The following USP47 variants were observed in gnomAD, a reference collection of about 807,000 sequenced individuals.
USP47 encodes the protein ubiquitin specific peptidase 47, also known as ubiquitin carboxyl-terminal hydrolase 47.
USP47 carries 35 observed loss-of-function variants against 165.1 expected under a neutral mutation model. The observed-to-expected ratio is 0.21, with a 90% CI of 0.16 to 0.28. The LOEUF is 0.28. Among genes scored for constraint, USP47 ranks in the 10% least tolerant of loss-of-function variants. USP47 has a pLI of 1.00. For synonymous variants in USP47, 531 were observed against 544.5 expected, an observed-to-expected ratio of 0.98 and a Z score of 0.35; for missense variants, 1,277 against 1,607.4, an observed-to-expected ratio of 0.79 and a Z score of 3.52.
intron 8 of USP47, among the ~76,000 whole-genome samples, chr11:11,914,839 A>G (rs1853290072): frequency 6.6e-6 from 1 of 152,204 alleles, no homozygotes. Context: ...GGCTACAAAT[A>G]ATGACAGCAT....
At chr11:11,888,671 A>G (rs1301812039) in intron 3 of USP47, among the ~76,000 whole-genome samples, 1 of 152,224 alleles carries the variant, frequency 6.6e-6, no homozygotes, top group Non-Finnish European at 1.5e-5. Context: ...CAAAAAATTG[A>G]AAAGGAAGAA....
intron 1 of USP47, 64 bp from the exon 2 acceptor site, chr11:11,880,113 C>A: frequency 2.7e-6 from 3 of 1,104,444 alleles, no homozygotes; most frequent in Non-Finnish European, 3.7e-6. Flanking sequence ...AATTTTATAG[C>A]TAATTATACT....
intron 8 of USP47, among the ~76,000 whole-genome samples, chr11:11,918,344 A>C (rs1423642270): frequency 6.6e-6 from 1 of 152,160 alleles, no homozygotes; most frequent in Non-Finnish European, 1.5e-5. Context: ...CAAGAGACCA[A>C]ACAAAATCTG....
chr11:11,865,685 A>G (rs76029835), intron 1 of USP47, among the ~76,000 whole-genome samples: 1 of 151,108 alleles, frequency 6.6e-6, no homozygotes, highest in Non-Finnish European at 1.5e-5. Flanking sequence ...TATTTTCCTT[A>G]TCTCTCTCTC....
At chr11:11,955,745 A>G (rs943960745) in intron 27 of USP47, among the ~76,000 whole-genome samples, 1 of 152,256 alleles carries the variant, frequency 6.6e-6, no homozygotes, top group Non-Finnish European at 1.5e-5. Flanking sequence ...CACAGTGCCT[A>G]TTATAGATGT....
intron 1 of USP47, among the ~76,000 whole-genome samples, chr11:11,843,571 G>A (rs544009936): frequency 8.5e-5 from 13 of 152,310 alleles, no homozygotes; most frequent in African/African-American, 2.9e-4. Context: ...GATAGGTGCT[G>A]TAAGAAAGGT....
chr11:11,947,116 C>T (rs1353699633), intron 20 of USP47, among the ~76,000 whole-genome samples: 3 of 152,186 alleles, frequency 2.0e-5, no homozygotes, highest in African/African-American at 7.2e-5. Context: ...AGTCTGGTTT[C>T]TGCTTTCTTC....
Position 11,957,296 on chromosome 11 carries a change from A to G in USP47, c.*1121A>G, listed in dbSNP as rs1419358613. The G allele has an allele frequency of 6.6e-6, 1 of 152,494 alleles. No individual in the cohort carries two copies. Among genetic ancestry groups the G allele is most frequent in the Non-Finnish European group, 1.5e-5 (1 of 68,034 alleles). The allele number at this position is 152,494 out of a possible 1,614,324, so 9.4% of individuals were successfully genotyped here. A position where few individuals can be genotyped will look rare whatever the true frequency, so the allele number is the denominator to read the frequency against. ...ATAAACTTGCTAATGAGGTCAGGTC[A>G]TGGTACAGACTGATGCAGTCAACAT... On this transcript the variant is annotated 3_prime_UTR_variant, in exon 28 of 28. Transcript: ENST00000527733.
intron 11 of USP47, among the ~76,000 whole-genome samples, chr11:11,928,064 G>A (rs971317524): frequency 2.0e-5 from 3 of 151,852 alleles, no homozygotes; most frequent in African/African-American, 7.3e-5. Flanking sequence ...TAATTATGTT[G>A]GCTTTGATCA....
Position 11,933,830 on chromosome 11 carries a change from G to A in USP47, c.1765-1G>A, listed in dbSNP as rs1854857008. On this transcript the variant is annotated splice_acceptor_variant, in intron 15 of 27. Transcript: ENST00000527733. LOFTEE classifies it high-confidence loss of function. ...TGATGATGATATTTTACATTTTCTA[G>A]ATAAAATTATTCTGTTTGCATCCTA... The A allele has an allele frequency of 6.3e-7, 1 of 1,588,176 alleles. No individual in the cohort carries two copies. The highest frequency in any genetic ancestry group is 1.3e-5 in the African/African-American group (1 of 74,152).
chr11:11,873,747 C>T, intron 1 of USP47: 1 of 1,098,422 alleles, frequency 9.1e-7, no homozygotes, highest in Non-Finnish European at 1.2e-6. Context: ...ACTGTCTTTT[C>T]CCTTTATTTT....
chr11:11,957,891 T>G lies in USP47; in HGVS notation c.*1716T>G, dbSNP rs139006279. 2.0e-5 allele frequency: 3 copies of G among 152,300 alleles called. No individual in the cohort carries two copies. In the East Asian group the frequency reaches 5.8e-4, roughly 29 times the overall value. 9.4% of individuals were successfully genotyped at this position (152,300 alleles called of 1,614,324 possible). On this transcript the variant is annotated 3_prime_UTR_variant, in exon 28 of 28. Transcript: ENST00000527733. ...AAGGTATTTTTCTGGCTAATTTTTATTTGAAGAAAGCTATAGCATTTAGCG... is the reference window on the plus strand; with the variant it reads ...AAGGTATTTTTCTGGCTAATTTTTAGTTGAAGAAAGCTATAGCATTTAGCG...
At chr11:11,912,052 T>C (rs1853034467) in intron 8 of USP47, among the ~76,000 whole-genome samples, 1 of 151,872 alleles carries the variant, frequency 6.6e-6, no homozygotes, top group Non-Finnish European at 1.5e-5. Context: ...ATAACGAATT[T>C]TTTTGAGGCA....
intron 5 of USP47, among the ~76,000 whole-genome samples, chr11:11,900,222 G>A (rs916558968): frequency 2.7e-5 from 4 of 145,780 alleles, no homozygotes; most frequent in Non-Finnish European, 4.5e-5. Flanking sequence ...GCAGTGGCGC[G>A]ATCTCGGCTC....
In USP47 at chr11:11,956,867, T is replaced by C. The variant is rs781041393; in HGVS notation, c.*692T>C. 2 of 152,424 alleles carry C rather than the reference T, an allele frequency of 1.3e-5. No individual in the cohort carries two copies. The highest frequency in any genetic ancestry group is 2.9e-5 in the Non-Finnish European group (2 of 68,044). The allele number at this position is 152,424 out of a possible 1,614,324, so 9.4% of individuals were successfully genotyped here. ...GTGTTGTAATTATAACTGATTGTAC[T>C]TAAGTTATGGATGTAGAGAATATGT... On this transcript the variant is annotated 3_prime_UTR_variant, in exon 28 of 28. Coordinates refer to ENST00000527733, the MANE Select transcript of USP47 (RefSeq NM_001282659.2).
intron 15 of USP47, among the ~76,000 whole-genome samples, chr11:11,933,571 T>C (rs1854832861): frequency 6.6e-6 from 1 of 152,060 alleles, no homozygotes; most frequent in African/African-American, 2.4e-5. Context: ...CAAATGTATA[T>C]TGGTAGGGGA....
intron 1 of USP47, among the ~76,000 whole-genome samples, chr11:11,845,860 T>C (rs1321146446): frequency 1.3e-5 from 2 of 152,334 alleles, no homozygotes; most frequent in East Asian, 3.9e-4. Flanking sequence ...GAGAGAAGTC[T>C]AGATCTCTAT....
At chr11:11,898,622 A>G (rs1851996883) in intron 5 of USP47, among the ~76,000 whole-genome samples, 1 of 152,214 alleles carries the variant, frequency 6.6e-6, no homozygotes, top group Admixed American at 6.5e-5. Context: ...TTTGTTCTTG[A>G]GTAATTTATA....
Position 11,930,093 on chromosome 11 carries a change from G to T in USP47, c.1568G>T (p.Arg523Ile). The change falls in exon 13 of 28, where the codon AGA becomes ATA. Residue 523 changes from arginine (R) to isoleucine (I), a missense_variant. By Grantham distance (97) the Arg-to-Ile change is moderately conservative. Transcript: ENST00000527733. ...ACACATGGTGGATCTTCAGGAAGCA[G>T]AGGATATTATTCTAGTGCTTTCGCA... Reference protein sequence around the residue: ...KKTHGGSSGSRGYYSSAFASS... With the variant: ...KKTHGGSSGSIGYYSSAFASS... 6.2e-7 allele frequency: 1 copy of T among 1,613,264 alleles called. No homozygotes were observed. Among genetic ancestry groups the T allele is most frequent in the Non-Finnish European group, 8.5e-7 (1 of 1,179,332 alleles).
Sources: gnomAD v4.1 joint callset for allele counts (sites outside exome capture counted in the v4.1 genomes callset) on GRCh38, gnomAD v4.1.1 for gene constraint, MANE v1.5 for transcripts, NCBI Gene and HGNC (gene_info 2026-07-23, HGNC 2026-07-21) for gene names.